Variants in ELOVL6 observed in about 807,000 individuals in gnomAD.
The protein encoded by ELOVL6 is ELOVL fatty acid elongase 6.
Under a neutral mutation model 31.7 loss-of-function variants are expected in ELOVL6, and 8 were observed. The ratio of observed to expected loss-of-function variants is 0.25; its 90% CI spans 0.15 to 0.45. The LOEUF (loss-of-function observed/expected upper bound fraction) is 0.45. ELOVL6 is among the 20% of genes least tolerant of loss of function. The probability of loss-of-function intolerance (pLI) is 1.00; values close to 1 mark genes in which losing one functional copy is unlikely to be tolerated. For synonymous variants in ELOVL6, 101 were observed against 117.7 expected (o/e 0.86, Z 0.92); for missense variants, 126 against 326.4 (o/e 0.39, Z 4.73).
At chr4:110,132,001 C>T (rs1448880495) in intron 1 of ELOVL6, among the ~76,000 whole-genome samples, 2 of 152,150 alleles carry the variant, frequency 1.3e-5, no homozygotes, top group African/African-American at 4.8e-5. Flanking sequence ...AGGAGGAAAG[C>T]TGGACACAAC....
intron 2 of ELOVL6, among the ~76,000 whole-genome samples, chr4:110,103,768 G>T (rs1007713879): frequency 2.2e-5 from 3 of 139,342 alleles, no homozygotes; most frequent in Non-Finnish European, 4.6e-5. Context: ...TAAGCCAAAA[G>T]ATATCAGTTA....
rs140693326 is a variant in ELOVL6 at position 110,176,673 on chromosome 4, T to C, written c.89+21574A>G. Among the ~76,000 whole-genome samples, 1,385 of 152,350 alleles carry C rather than the reference T, an allele frequency of 9.1e-3. 21 individuals are homozygous for C. The highest frequency in any genetic ancestry group is 0.031 in the African/African-American group (1,296 of 41,590). On this transcript the variant is annotated intron_variant, in intron 1 of 3. Coordinates refer to ENST00000302274, the MANE Select transcript of ELOVL6 (RefSeq NM_024090.3). ...GATATTGTGTGGAGGGCAATGTGCC[T>C]GGCCCTTGAGAGACAAAGTGCAAGA...
intron 1 of ELOVL6, among the ~76,000 whole-genome samples, chr4:110,187,935 C>A (rs958302896): frequency 6.6e-6 from 1 of 152,172 alleles, no homozygotes; most frequent in Non-Finnish European, 1.5e-5. Flanking sequence ...CATTTCATTT[C>A]TTTTCCTGTA....
intron 2 of ELOVL6, among the ~76,000 whole-genome samples, chr4:110,067,598 G>A (rs1755340994): frequency 6.6e-6 from 1 of 152,128 alleles, no homozygotes; most frequent in African/African-American, 2.4e-5. Context: ...CCTCTGACAT[G>A]AAAATCGGTA....
chr4:110,126,035 A>T (rs1757481225), intron 1 of ELOVL6, among the ~76,000 whole-genome samples: 1 of 152,072 alleles, frequency 6.6e-6, no homozygotes, highest in South Asian at 2.1e-4. Context: ...ATGGTTAAAA[A>T]CAAAAACTGT....
chr4:110,054,640 A>G (rs1236660453), intron 3 of ELOVL6, among the ~76,000 whole-genome samples: 1 of 152,200 alleles, frequency 6.6e-6, no homozygotes, highest in East Asian at 1.9e-4. Context: ...GTTTAACCCT[A>G]TCATCACTTT....
intron 1 of ELOVL6, among the ~76,000 whole-genome samples, chr4:110,137,974 T>C (rs1443096620): frequency 1.3e-5 from 2 of 152,212 alleles, no homozygotes; most frequent in African/African-American, 4.8e-5. Flanking sequence ...GACTTGCTTA[T>C]AACTGGCTAA....
chr4:110,127,523 T>A (rs28535039), intron 1 of ELOVL6, among the ~76,000 whole-genome samples: 1,525 of 152,230 alleles, frequency 0.01, 30 homozygotes, highest in African/African-American at 0.034. Context: ...TATCCTTTTT[T>A]AAATGTAAAA....
intron 2 of ELOVL6, among the ~76,000 whole-genome samples, chr4:110,066,351 C>T (rs74285787): frequency 0.1 from 15,416 of 151,920 alleles, 984 homozygotes; most frequent in East Asian, 0.26. Flanking sequence ...ATTATGGCAT[C>T]TCAGGCCAGG....
chr4:110,142,624 T>C (rs1418069254), intron 1 of ELOVL6, among the ~76,000 whole-genome samples: 3 of 152,194 alleles, frequency 2.0e-5, no homozygotes, highest in African/African-American at 7.2e-5. Context: ...GAATGAACTC[T>C]TGCTCTCTGG....
At chr4:110,141,803 T>C (rs1757967679) in intron 1 of ELOVL6, among the ~76,000 whole-genome samples, 1 of 145,458 alleles carries the variant, frequency 6.9e-6, no homozygotes. Context: ...ACTAATACAA[T>C]GTACTAATAC....
In ELOVL6 at chr4:110,170,589, G is replaced by T. The variant is rs1343468337; in HGVS notation, c.89+27658C>A. ...CAAATGTCCTTTTTGCAGTGTACTT[G>T]GTCCTACCTTTCTTACATTTTTGTG... On this transcript the variant is annotated intron_variant, in intron 1 of 3. Transcript: ENST00000302274. Among the ~76,000 whole-genome samples the T allele has an allele frequency of 2.0e-5, 3 of 152,058 alleles. No homozygotes were observed. The East Asian group carries it at 5.8e-4, about 29-fold the overall frequency.
At chr4:110,097,820 T>C (rs1029329852) in intron 2 of ELOVL6, among the ~76,000 whole-genome samples, 6 of 151,758 alleles carry the variant, frequency 4.0e-5, no homozygotes, top group Non-Finnish European at 7.4e-5. Context: ...GGATTTCCTA[T>C]ATATCCATTA....
chr4:110,175,916 C>A (rs1759090580), intron 1 of ELOVL6, among the ~76,000 whole-genome samples: 1 of 151,984 alleles, frequency 6.6e-6, no homozygotes. Context: ...TTTAGGATCT[C>A]ATGTCATGTA....
intron 1 of ELOVL6, among the ~76,000 whole-genome samples, chr4:110,130,672 A>G (rs368987418): frequency 5.3e-5 from 8 of 152,350 alleles, no homozygotes; most frequent in African/African-American, 1.9e-4. Flanking sequence ...AGTGTCCACC[A>G]TCATCCATCC....
intron 1 of ELOVL6, among the ~76,000 whole-genome samples, chr4:110,166,783 A>C (rs985054285): frequency 6.6e-6 from 1 of 152,046 alleles, no homozygotes. Flanking sequence ...CATCAACCCA[A>C]CTATTAGCTC....
At position 110,047,834 on chromosome 4, in the gene ELOVL6, G is replaced by A. The variant is rs1486298285; in HGVS notation, c.*3504C>T. 7.2e-6 allele frequency: 1 copy of A among 139,738 alleles called. No homozygotes were observed. The highest frequency in any genetic ancestry group is 2.7e-5 in the African/African-American group (1 of 36,416). 8.7% of individuals were successfully genotyped at this position (139,738 alleles called of 1,614,324 possible). The stretch of plus-strand genomic sequence containing the variant: ...GAACCTGGGAGGCGGAGGTTGCAGT[G>A]AGTCTAGATCGCGCCACTGCACTCC... On this transcript the variant is annotated 3_prime_UTR_variant, in exon 4 of 4. Transcript: ENST00000302274.
intron 1 of ELOVL6, among the ~76,000 whole-genome samples, chr4:110,168,459 C>A (rs1758844475): frequency 6.6e-6 from 1 of 151,888 alleles, no homozygotes; most frequent in Admixed American, 6.6e-5. Context: ...GCAGAGGCTG[C>A]TGTGAGCCAA....
intron 1 of ELOVL6, among the ~76,000 whole-genome samples, chr4:110,162,510 T>C (rs75839937): frequency 6.6e-6 from 1 of 151,974 alleles, no homozygotes; most frequent in Non-Finnish European, 1.5e-5. Context: ...CTATGCCTAA[T>C]TTTTTTTCTA....
Sources: gnomAD v4.1 joint callset for allele counts (sites outside exome capture counted in the v4.1 genomes callset) on GRCh38, gnomAD v4.1.1 for gene constraint, MANE v1.5 for transcripts, NCBI Gene and HGNC (gene_info 2026-07-23, HGNC 2026-07-21) for gene names.